Variants in MERTK observed in about 807,000 individuals in gnomAD.
MERTK encodes the protein MER proto-oncogene, tyrosine kinase, also known as tyrosine-protein kinase Mer.
A neutral mutation model predicts 99.3 loss-of-function variants in MERTK; 69 were observed. The ratio of observed to expected loss-of-function variants is 0.70; its 90% CI spans 0.57 to 0.85. MERTK has a LOEUF of 0.85. Among genes scored for constraint, MERTK ranks in the 40% least tolerant of loss-of-function variants. MERTK has a pLI of 0.00. For missense variants in MERTK, 1,125 were observed against 1,249.4 expected (o/e 0.90, Z 1.50); for synonymous variants, 426 against 467.6 (o/e 0.91, Z 1.15).
In MERTK at chr2:112,006,353, T is replaced by G. The variant is rs149970205; in HGVS notation, c.1868-2030T>G. Among the ~76,000 whole-genome samples, 166 of 152,042 alleles carry G rather than the reference T, an allele frequency of 1.1e-3. 1 individual carries two copies. Among genetic ancestry groups the G allele is most frequent in the African/African-American group, 3.8e-3 (158 of 41,436 alleles). ...TCATCAGGACAACAGGAAGAGAAAATGAACATAACTAAAAAGGAGGTTCAG... is the reference window on the plus strand; with the variant it reads ...TCATCAGGACAACAGGAAGAGAAAAGGAACATAACTAAAAAGGAGGTTCAG... On this transcript the variant is annotated intron_variant, in intron 13 of 18. Transcript: ENST00000295408.
At chr2:111,946,200 G>A (rs1573591047) in intron 3 of MERTK, among the ~76,000 whole-genome samples, 1 of 152,072 alleles carries the variant, frequency 6.6e-6, no homozygotes, top group East Asian at 1.9e-4. Context: ...TCAGGGTTAC[G>A]TCAACATCAG....
At chr2:111,901,637 C>A (rs1360883470) in intron 1 of MERTK, among the ~76,000 whole-genome samples, 1 of 147,686 alleles carries the variant, frequency 6.8e-6, no homozygotes, top group African/African-American at 2.5e-5. Flanking sequence ...CTCACTGCAA[C>A]CTCAACCTTC....
At chr2:112,000,005 G>A (rs182688362) in intron 10 of MERTK, among the ~76,000 whole-genome samples, 2 of 152,058 alleles carry the variant, frequency 1.3e-5, no homozygotes, top group Admixed American at 1.3e-4. Context: ...AAGTACATTC[G>A]CAAGGGTGGG....
chr2:111,975,266 C>T (rs1676223015), intron 6 of MERTK, 23 bp from the exon 7 acceptor site: 1 of 1,613,532 alleles, frequency 6.2e-7, no homozygotes, highest in African/African-American at 1.3e-5. Context: ...AATGCCCGGT[C>T]CTCATGTTTA....
In MERTK at chr2:112,003,896, C is replaced by G. The variant is rs2104407499; in HGVS notation, c.1787-8C>G. 6.2e-7 allele frequency: 1 copy of G among 1,610,286 alleles called. No individual in the cohort carries two copies. On this transcript the variant is annotated splice_polypyrimidine_tract_variant and splice_region_variant and intron_variant, in intron 12 of 18. Transcript: ENST00000295408. ...CAGTGTCCATACAGGTGTTCTTTCACTTCACAGGAGAGTTTGGGTCTGTAA... is the reference window on the plus strand; with the variant it reads ...CAGTGTCCATACAGGTGTTCTTTCAGTTCACAGGAGAGTTTGGGTCTGTAA...
chr2:111,961,334 T>G (rs1685247126), intron 4 of MERTK, among the ~76,000 whole-genome samples: 1 of 151,876 alleles, frequency 6.6e-6, no homozygotes, highest in South Asian at 2.1e-4. Flanking sequence ...CTAATTTTTT[T>G]GTATTTTTAG....
intron 9 of MERTK, chr2:111,996,831 G>A (rs903283477): frequency 5.4e-6 from 1 of 183,614 alleles, no homozygotes; most frequent in African/African-American, 2.4e-5. Context: ...TCAAAACAGA[G>A]AAACTATATT....
chr2:111,974,507 C>T (rs1014603736), intron 6 of MERTK, among the ~76,000 whole-genome samples: 3 of 151,954 alleles, frequency 2.0e-5, no homozygotes, highest in Admixed American at 6.5e-5. Flanking sequence ...TGGTGGCTCA[C>T]GCCTGTAATC....
chr2:111,972,325 T>C (rs1258161147), intron 6 of MERTK, among the ~76,000 whole-genome samples: 1 of 152,178 alleles, frequency 6.6e-6, no homozygotes, highest in Non-Finnish European at 1.5e-5. Flanking sequence ...GCTGAGTTGT[T>C]TGAAGAGCCT....
chr2:111,986,262 A>G (rs1308802293), intron 8 of MERTK, among the ~76,000 whole-genome samples: 1 of 152,234 alleles, frequency 6.6e-6, no homozygotes, highest in Non-Finnish European at 1.5e-5. Flanking sequence ...GCCCCAAGGC[A>G]TTTGTGCGAG....
intron 1 of MERTK, among the ~76,000 whole-genome samples, chr2:111,917,584 T>C (rs1684376008): frequency 6.6e-6 from 1 of 152,116 alleles, no homozygotes; most frequent in Admixed American, 6.5e-5. Flanking sequence ...TCTTGTTTTT[T>C]AAAATTATGC....
intron 10 of MERTK, among the ~76,000 whole-genome samples, chr2:111,998,240 G>A (rs1385805285): frequency 4.6e-5 from 7 of 152,212 alleles, no homozygotes; most frequent in Non-Finnish European, 7.3e-5. Context: ...ACCTTAGTAT[G>A]TGAATTCTAA....
Position 111,925,275 on chromosome 2 carries a change from G to GATAGATATATATAT in MERTK, c.62-3842_62-3841insGATATATATATATA, listed in dbSNP as rs1684534577. On this transcript the variant is annotated intron_variant, in intron 1 of 18. Coordinates refer to ENST00000295408, the MANE Select transcript of MERTK (RefSeq NM_006343.3). ...CTGGTAAATCAAATTGTACAGATCA[G>GATAGATATATATAT]ATATATATATATATATATTTTTTTT... Among the ~76,000 whole-genome samples, 2 of 52,188 alleles carry GATAGATATATATAT rather than the reference G, an allele frequency of 3.8e-5. 1 individual carries two copies. The allele number at this position is 52,188 out of a possible 152,430, so 34.2% of individuals were successfully genotyped here.
chr2:112,023,136 C>A (rs187911804), intron 18 of MERTK, among the ~76,000 whole-genome samples: 1 of 151,966 alleles, frequency 6.6e-6, no homozygotes, highest in African/African-American at 2.4e-5. Context: ...AAAATAAGGC[C>A]GAGTGCGGTG....
chr2:112,029,028 AAT>A lies in MERTK; in HGVS notation c.*171_*172del. The stretch of plus-strand genomic sequence containing the variant: ...AAGTAAGCTGTCATTAAAAATACAT[AAT>A]ATATATTTATTTAAAGAGAAAAAAT... On this transcript the variant is annotated 3_prime_UTR_variant, in exon 19 of 19. Transcript: ENST00000295408. 1 of 1,423,938 alleles carries A rather than the reference AAT, an allele frequency of 7.0e-7. No homozygotes were observed. Among genetic ancestry groups the A allele is most frequent in the South Asian group, 1.6e-5 (1 of 61,388 alleles). The allele number at this position is 1,423,938 out of a possible 1,614,324, so 88.2% of individuals were successfully genotyped here. A position where few individuals can be genotyped will look rare whatever the true frequency, so the allele number is the denominator to read the frequency against.
intron 1 of MERTK, among the ~76,000 whole-genome samples, chr2:111,925,072 G>A (rs188546917): frequency 1.3e-5 from 2 of 151,622 alleles, no homozygotes; most frequent in African/African-American, 4.8e-5. Flanking sequence ...GCTATGGGCA[G>A]CCTCCCCTCC....
intron 8 of MERTK, 28 bp downstream of exon 8, chr2:111,983,021 T>TGG (rs1558796509): frequency 8.7e-6 from 14 of 1,612,954 alleles, no homozygotes; most frequent in African/African-American, 1.3e-5. Context: ...AAGAGCACGA[T>TGG]TAGTCATCTC....
intron 1 of MERTK, among the ~76,000 whole-genome samples, chr2:111,909,705 G>A (rs985524007): frequency 2.6e-4 from 39 of 152,096 alleles, no homozygotes; most frequent in Non-Finnish European, 4.3e-4. Flanking sequence ...CCTGGAAAAC[G>A]TAATTTTGAG....
intron 14 of MERTK, among the ~76,000 whole-genome samples, chr2:112,009,047 G>GT (rs958613677): frequency 2.0e-5 from 3 of 152,204 alleles, no homozygotes; most frequent in Non-Finnish European, 4.4e-5. Context: ...TGGATGCTGT[G>GT]TAAGTGGCTC....
Sources: gnomAD v4.1 joint callset for allele counts (sites outside exome capture counted in the v4.1 genomes callset) on GRCh38, gnomAD v4.1.1 for gene constraint, MANE v1.5 for transcripts, NCBI Gene and HGNC (gene_info 2026-07-23, HGNC 2026-07-21) for gene names.